The following TBC1D9B variants were observed in gnomAD, a reference collection of about 807,000 sequenced individuals.
TBC1D9B encodes TBC1 domain family, member 9B (with GRAM domain).
In TBC1D9B, 87 loss-of-function variants were observed where a neutral mutation model predicts 121.1. The observed-to-expected ratio is 0.72, with a 90% CI of 0.60 to 0.86. TBC1D9B has a LOEUF of 0.86. Ranked by LOEUF, TBC1D9B falls within the 40% of genes least tolerant of loss-of-function variation. The probability of loss-of-function intolerance (pLI) is 0.00; values close to 1 mark genes in which losing one functional copy is unlikely to be tolerated. For synonymous variants in TBC1D9B, 668 were observed against 670.1 expected, an observed-to-expected ratio of 1.00 and a Z score of 0.05; for missense variants, 1,540 against 1,628.6, an observed-to-expected ratio of 0.95 and a Z score of 0.94.
intron 12 of TBC1D9B, among the ~76,000 whole-genome samples, chr5:179,873,465 A>G (rs1479221413): frequency 6.6e-6 from 1 of 152,216 alleles, no homozygotes; most frequent in African/African-American, 2.4e-5. Context: ...ACAAGGCCTG[A>G]GCACTAACCC....
intron 7 of TBC1D9B, among the ~76,000 whole-genome samples, chr5:179,881,276 A>G (rs904897746): frequency 6.6e-6 from 1 of 152,110 alleles, no homozygotes; most frequent in African/African-American, 2.4e-5. Flanking sequence ...CCCCGAGGTA[A>G]CCACCTCACA....
chr5:179,878,681 G>T (rs1046015919), intron 9 of TBC1D9B, among the ~76,000 whole-genome samples, 158 bp from the exon 10 acceptor site: 2 of 152,216 alleles, frequency 1.3e-5, no homozygotes, highest in East Asian at 1.9e-4. Flanking sequence ...CTCCTGGGGA[G>T]GGTGCTCTAC....
chr5:179,870,215 AG>A lies in TBC1D9B; in HGVS notation c.2725+39del, dbSNP rs940766129. Reference sequence around the variant, plus strand: ...TTTGGAGGCTTCCTGGGAAAGGGTGAGGGAGGGTCAAGCCCCTGGTAGGCCC... The same window carrying A: ...TTTGGAGGCTTCCTGGGAAAGGGTGAGGAGGGTCAAGCCCCTGGTAGGCCC... On this transcript the variant is annotated intron_variant, in intron 16 of 20. Transcript: ENST00000355235. 1.9e-6 allele frequency: 3 copies of A among 1,608,248 alleles called. No homozygotes were observed. The African/African-American group carries it at 4.0e-5, about 21-fold the overall frequency.
rs530625894 is a variant in TBC1D9B at position 179,904,371 on chromosome 5, T to C, written c.229+331A>G. 7.8e-3 allele frequency among the ~76,000 whole-genome samples: 1,187 copies of C among 151,972 alleles called. 12 individuals are homozygous for C. The highest frequency in any genetic ancestry group is 0.027 in the African/African-American group (1,128 of 41,334). On this transcript the variant is annotated intron_variant, in intron 2 of 20. Transcript: ENST00000355235. This position sits in a 1 kb window ranked among gnomAD's most constrained non-coding sequence, Gnocchi z 4.2. ...TCCCGAGTAGCTGGGACTACAGGCC[T>C]CCGCCACCACCCCCAGCTAATTTTT...
At chr5:179,893,598 G>T in intron 4 of TBC1D9B, 131 bp from the exon 5 acceptor site, 1 of 1,292,116 alleles carries the variant, frequency 7.7e-7, no homozygotes, top group Non-Finnish European at 1.0e-6. Context: ...GCCCAGGCCT[G>T]TCTGGGCTGT....
In TBC1D9B at chr5:179,899,338, A is replaced by G. The variant is rs768776419; in HGVS notation, c.230-31T>C. 3 of 1,588,040 alleles carry G rather than the reference A, an allele frequency of 1.9e-6. No individual in the cohort carries two copies. The East Asian group carries it at 6.7e-5, about 36-fold the overall frequency. ...AGAGGTTTGGTAAAGTAAAAGAAAA[A>G]TCATGAATTCCCCAGGCCTTAAACG... On this transcript the variant is annotated intron_variant, in intron 2 of 20. Transcript: ENST00000355235.
chr5:179,904,505 G>T lies in TBC1D9B; in HGVS notation c.229+197C>A, dbSNP rs551557371. ...CTCCCAAAGTGCTGGGATTACAGACGTGAGCCACCGCACCGGGCCACGGAG... is the reference window on the plus strand; with the variant it reads ...CTCCCAAAGTGCTGGGATTACAGACTTGAGCCACCGCACCGGGCCACGGAG... On this transcript the variant is annotated intron_variant, in intron 2 of 20. Coordinates refer to ENST00000355235, the MANE Select transcript of TBC1D9B (RefSeq NM_015043.4). This position sits in a 1 kb window ranked among gnomAD's most constrained non-coding sequence, Gnocchi z 4.2. Among the ~76,000 whole-genome samples the T allele has an allele frequency of 8.5e-5, 13 of 152,148 alleles. No individual in the cohort carries two copies. The highest frequency in any genetic ancestry group is 2.2e-4 in the African/African-American group (9 of 41,428).
intron 2 of TBC1D9B, among the ~76,000 whole-genome samples, chr5:179,903,004 G>A (rs1038785150): frequency 7.9e-5 from 12 of 152,146 alleles, no homozygotes; most frequent in East Asian, 3.9e-4. Flanking sequence ...CCGGGGTGCC[G>A]CCCGCCCTGT....
rs1408956631 is a variant in TBC1D9B, at chr5:179,891,511, G to A, written c.912C>T (p.Gly304=). The A allele has an allele frequency of 6.2e-7, 1 of 1,614,066 alleles. No individual in the cohort carries two copies. The highest frequency in any genetic ancestry group is 1.7e-5 in the Admixed American group (1 of 60,028). ...GCGTCCACAGGGTGCAGCTTGTGTGGCCGTCTAGCCGCTCATCCCTGGGCA... is the reference window on the plus strand; with the variant it reads ...GCGTCCACAGGGTGCAGCTTGTGTGACCGTCTAGCCGCTCATCCCTGGGCA... The part of the protein sequence containing the change: ...FRLPRDERLD[G]HTSCTLWTPF... The change falls in exon 6 of 21, where the codon GGC becomes GGT. Residue 304 remains glycine, a synonymous_variant. Transcript: ENST00000355235. The surrounding 1 kb of genome is among the most constrained non-coding windows in gnomAD (Gnocchi z 4.3).
intron 4 of TBC1D9B, 81 bp downstream of exon 4, chr5:179,894,305 G>T: frequency 7.6e-7 from 1 of 1,309,226 alleles, no homozygotes; most frequent in Non-Finnish European, 1.1e-6. Flanking sequence ...TGGTGGCCAT[G>T]TGGGGATGGA....
chr5:179,897,757 G>A (rs187461073), intron 3 of TBC1D9B, among the ~76,000 whole-genome samples: 7 of 152,248 alleles, frequency 4.6e-5, no homozygotes, highest in East Asian at 3.9e-4. Context: ...TATTATCATC[G>A]CCCAATTGCT....
In TBC1D9B at chr5:179,888,306, T is replaced by C. The variant is rs750585823; in HGVS notation, c.1051A>G (p.Ile351Val). The C allele has an allele frequency of 1.9e-6, 3 of 1,610,968 alleles. No homozygotes were observed. Among genetic ancestry groups the C allele is most frequent in the Admixed American group, 1.7e-5 (1 of 58,774 alleles). Residue 351 changes from isoleucine to valine, a missense_variant, in exon 7 of 21, where the codon ATT becomes GTT. By Grantham distance (29) the Ile-to-Val change is conservative (BLOSUM62 3). Transcript: ENST00000355235. ...CTGGAGCTGTCAGCTTTTTCGACAATGGTCACCTGAGAAGGTGAAAGAACT... is the reference window on the plus strand; with the variant it reads ...CTGGAGCTGTCAGCTTTTTCGACAACGGTCACCTGAGAAGGTGAAAGAACT... The part of the protein sequence containing the change: ...HLIIPLREVT[I>V]VEKADSSSVL...
chr5:179,871,146 A>G (rs1760184525), intron 15 of TBC1D9B, among the ~76,000 whole-genome samples: 1 of 152,208 alleles, frequency 6.6e-6, no homozygotes, highest in African/African-American at 2.4e-5. Flanking sequence ...ACCTGGATCC[A>G]GCCATGCCTG....
At chr5:179,888,007 C>A in intron 7 of TBC1D9B, 96 bp downstream of exon 7, 1 of 1,502,672 alleles carries the variant, frequency 6.7e-7, no homozygotes. Context: ...GGCCCACAGC[C>A]GGAACCATGG....
intron 7 of TBC1D9B, among the ~76,000 whole-genome samples, chr5:179,883,846 G>A (rs1760605343): frequency 1.3e-5 from 2 of 152,110 alleles, no homozygotes; most frequent in South Asian, 2.1e-4. Flanking sequence ...TTCTACGTAC[G>A]GGCAGTTGTG....
intron 8 of TBC1D9B, 113 bp from the exon 9 acceptor site, chr5:179,879,310 G>A: frequency 1.4e-6 from 2 of 1,446,086 alleles, no homozygotes; most frequent in Non-Finnish European, 1.8e-6. Context: ...CAGCAAGTGT[G>A]GCCTTCCTCG....
At position 179,869,105 on chromosome 5, in the gene TBC1D9B, G is replaced by A. The variant is rs772461510; in HGVS notation, c.2791+664C>T. 11 of 162,594 alleles carry A rather than the reference G, an allele frequency of 6.8e-5. 1 individual carries two copies. Among genetic ancestry groups the A allele is most frequent in the South Asian group, 3.3e-4 (2 of 6,056 alleles). The allele number at this position is 162,594 out of a possible 1,614,324, so 10.1% of individuals were successfully genotyped here. Reference sequence around the variant, plus strand: ...CAGTATTCTAAACATCCCCGGGGTCGGTTCTGAGGGCAGCTGCTAACCTCA... The same window carrying A: ...CAGTATTCTAAACATCCCCGGGGTCAGTTCTGAGGGCAGCTGCTAACCTCA... On this transcript the variant is annotated intron_variant, in intron 17 of 20. Coordinates refer to ENST00000355235, the MANE Select transcript of TBC1D9B (RefSeq NM_015043.4).
chr5:179,895,647 C>A (rs189516617), intron 3 of TBC1D9B, among the ~76,000 whole-genome samples: 3 of 152,304 alleles, frequency 2.0e-5, no homozygotes, highest in Admixed American at 2.0e-4. Flanking sequence ...TCAGCAGTGC[C>A]CTCAGCTCAA....
intron 2 of TBC1D9B, among the ~76,000 whole-genome samples, chr5:179,900,741 G>T (rs182247114): frequency 6.6e-6 from 1 of 152,158 alleles, no homozygotes; most frequent in African/African-American, 2.4e-5. Flanking sequence ...TATCACTCAC[G>T]CCTGAAAGAA....
Sources: allele counts gnomAD v4.1 joint callset (sites outside exome capture counted in the v4.1 genomes callset), GRCh38; gene constraint gnomAD v4.1.1; non-coding constraint Gnocchi (gnomAD v3.1); transcripts MANE v1.5; gene names NCBI Gene and HGNC (gene_info 2026-07-23, HGNC 2026-07-21).